Variants in METTL15 observed in about 807,000 individuals in gnomAD.
The protein encoded by METTL15 is methyltransferase 15, mitochondrial 12S rRNA N4-cytidine, also known as 12S rRNA N(4)-cytidine methyltransferase METTL15.
In METTL15, 34 loss-of-function variants were observed where a neutral mutation model predicts 38.3. The ratio of observed to expected loss-of-function variants is 0.89; its 90% CI spans 0.68 to 1.18. The LOEUF is 1.18. Ranked by LOEUF, METTL15 falls within the 50% of genes most tolerant of loss-of-function variation. METTL15 has a pLI of 0.00. For synonymous variants in METTL15, 162 were observed against 170.9 expected (o/e 0.95, Z 0.41); for missense variants, 438 against 498.4 (o/e 0.88, Z 1.15).
chr11:28,211,695 G>A (rs1192748285), intron 4 of METTL15, among the ~76,000 whole-genome samples: 1 of 151,830 alleles, frequency 6.6e-6, no homozygotes, highest in East Asian at 1.9e-4. Context: ...TATAACTAAA[G>A]AACTTTTTAA....
At chr11:28,286,616 TA>T (rs1350296456) in intron 4 of METTL15, among the ~76,000 whole-genome samples, 1 of 151,824 alleles carries the variant, frequency 6.6e-6, no homozygotes, top group Non-Finnish European at 1.5e-5. Flanking sequence ...AGCTATCAAG[TA>T]AAAAAGAACT....
At chr11:28,490,940 A>G (rs1308648411) in intron 6 of METTL15, among the ~76,000 whole-genome samples, 1 of 152,160 alleles carries the variant, frequency 6.6e-6, no homozygotes. Context: ...AGAAATTTGG[A>G]AGGATTTTGT....
intron 3 of METTL15, among the ~76,000 whole-genome samples, chr11:28,180,224 A>G (rs760671085): frequency 3.9e-5 from 6 of 151,988 alleles, no homozygotes; most frequent in Middle Eastern, 6.8e-3. Context: ...CTTGACTCCT[A>G]TGCATCCTTT....
intron 6 of METTL15, among the ~76,000 whole-genome samples, chr11:28,322,359 G>GATTT (rs1246037730): frequency 3.3e-5 from 5 of 152,042 alleles, no homozygotes; most frequent in Admixed American, 6.6e-5. Context: ...ATGGATAAAG[G>GATTT]ATTTGTTCAA....
At chr11:28,185,012 G>C (rs1209141463) in intron 3 of METTL15, among the ~76,000 whole-genome samples, 1 of 151,364 alleles carries the variant, frequency 6.6e-6, no homozygotes, top group East Asian at 1.9e-4. Context: ...TACATAATGT[G>C]TTGAATGTTA....
intron 6 of METTL15, among the ~76,000 whole-genome samples, chr11:28,468,978 A>G (rs1175730107): frequency 1.3e-5 from 2 of 152,208 alleles, no homozygotes; most frequent in African/African-American, 2.4e-5. Context: ...CTTTGTACAC[A>G]TAATGTAACC....
chr11:28,285,402 A>T (rs1006292054), intron 4 of METTL15, among the ~76,000 whole-genome samples: 24 of 150,900 alleles, frequency 1.6e-4, no homozygotes, highest in Non-Finnish European at 2.7e-4. Context: ...CCTTAGTGTT[A>T]GTGTATTGTA....
At chr11:28,122,371 G>GTGTA (rs1437112554) in intron 3 of METTL15, among the ~76,000 whole-genome samples, 1,455 of 77,436 alleles carry the variant, frequency 0.019, 12 homozygotes, top group Middle Eastern at 0.026. Flanking sequence ...GTGTGTGTGT[G>GTGTA]TATATATATA....
intron 4 of METTL15, among the ~76,000 whole-genome samples, chr11:28,236,032 G>A (rs11030259): frequency 6.6e-6 from 1 of 151,772 alleles, no homozygotes; most frequent in Admixed American, 6.6e-5. Flanking sequence ...GTTGAATTTT[G>A]TCAAAGGCCT....
At chr11:28,195,583 G>A (rs920577495) in intron 3 of METTL15, among the ~76,000 whole-genome samples, 16 of 151,552 alleles carry the variant, frequency 1.1e-4, no homozygotes, top group African/African-American at 2.4e-4. Context: ...TCATTTTTTC[G>A]AGTTCCGTGT....
rs561679444 is a variant in METTL15, at chr11:28,308,738, G to A, written c.778+11807G>A. ...TGGTATATCACCAAAGCATGATAAC[G>A]TTTAGTTTCCCCAAATCTCCAGGGG... is the stretch of plus-strand genomic sequence containing the variant. On this transcript the variant is annotated intron_variant, in intron 6 of 6. Coordinates refer to ENST00000407364, the MANE Select transcript of METTL15 (RefSeq NM_001113528.2). Among the ~76,000 whole-genome samples, 5 of 152,030 alleles carry A rather than the reference G, an allele frequency of 3.3e-5. No individual in the cohort carries two copies. In the East Asian group the frequency reaches 7.8e-4, roughly 24 times the overall value.
At chr11:28,232,780 A>G (rs1305471183) in intron 4 of METTL15, among the ~76,000 whole-genome samples, 1 of 151,954 alleles carries the variant, frequency 6.6e-6, no homozygotes, top group African/African-American at 2.4e-5. Flanking sequence ...TTTGTAAGAG[A>G]TATTGCTGCT....
intron 6 of METTL15, among the ~76,000 whole-genome samples, chr11:28,324,632 A>T (rs1391857916): frequency 6.6e-6 from 1 of 152,224 alleles, no homozygotes; most frequent in Non-Finnish European, 1.5e-5. Flanking sequence ...TTTAGCCAAA[A>T]AGTAGCATAG....
rs529146417 is a variant in METTL15 at position 28,186,230 on chromosome 11, A to G, written c.271-24832A>G. ...AATAGAAGTCATTGCTGATTTTGTA[A>G]GATGTTTCAGGGAAATGATTGAGTT... is the stretch of plus-strand genomic sequence containing the variant. On this transcript the variant is annotated intron_variant, in intron 3 of 6. Coordinates refer to ENST00000407364, the MANE Select transcript of METTL15 (RefSeq NM_001113528.2). Among the ~76,000 whole-genome samples, 3 of 151,304 alleles carry G rather than the reference A, an allele frequency of 2.0e-5. No homozygotes were observed. In the East Asian group the frequency reaches 5.8e-4, roughly 29 times the overall value.
intron 4 of METTL15, among the ~76,000 whole-genome samples, chr11:28,222,830 A>G (rs540100475): frequency 8.4e-4 from 128 of 152,354 alleles, no homozygotes; most frequent in Non-Finnish European, 1.1e-3. Flanking sequence ...TGTTAGTAAT[A>G]TAGAAGATAG....
chr11:28,497,957 G>A (rs1435922580), intron 6 of METTL15, among the ~76,000 whole-genome samples: 1 of 151,558 alleles, frequency 6.6e-6, no homozygotes, highest in East Asian at 2.0e-4. Flanking sequence ...GGGAAGCTGA[G>A]GCATGAGAAT....
intron 3 of METTL15, among the ~76,000 whole-genome samples, chr11:28,193,794 C>A (rs1753536046): frequency 6.6e-6 from 1 of 152,032 alleles, no homozygotes; most frequent in African/African-American, 2.4e-5. Context: ...TTTTATGTTT[C>A]ATTTCATTCA....
intron 3 of METTL15, among the ~76,000 whole-genome samples, chr11:28,344,629 C>T (rs926996570): frequency 6.6e-6 from 1 of 152,126 alleles, no homozygotes; most frequent in African/African-American, 2.4e-5. Flanking sequence ...TACCTGGGTG[C>T]TTCAAGCTCC....
At position 28,381,924 on chromosome 11, in the gene METTL15, T is replaced by G. The variant is rs186791394; in HGVS notation, c.*358+19888T>G. 5.1e-4 allele frequency among the ~76,000 whole-genome samples: 77 copies of G among 152,214 alleles called. 1 individual carries two copies. The highest frequency in any genetic ancestry group is 3.4e-3 in the Middle Eastern group (1 of 294). ...TTATGGTTTCCTGTTTCCTTTTTTT[T>G]TTTGTGTGGATGTACATTTATGTCT... is the stretch of plus-strand genomic sequence containing the variant. On this transcript the variant is annotated intron_variant and NMD_transcript_variant, in intron 5 of 7. Coordinates refer to the METTL15 transcript ENST00000532947.
Sources: gnomAD v4.1 joint callset for allele counts (sites outside exome capture counted in the v4.1 genomes callset) on GRCh38, gnomAD v4.1.1 for gene constraint, MANE v1.5 for transcripts, NCBI Gene and HGNC (gene_info 2026-07-23, HGNC 2026-07-21) for gene names.